Variants in SDHA observed in about 807,000 individuals in gnomAD.
The protein encoded by SDHA is succinate dehydrogenase complex flavoprotein subunit A.
A neutral mutation model predicts 78.4 loss-of-function variants in SDHA; 48 were observed. That is an observed-to-expected ratio of 0.61 (90% CI 0.49 to 0.78). SDHA has a LOEUF of 0.78. SDHA is among the 30% of genes least tolerant of loss of function. The pLI is 0.00. For synonymous variants in SDHA, 326 were observed against 353.9 expected (o/e 0.92, Z 0.88); for missense variants, 680 against 892.7 (o/e 0.76, Z 3.04).
chr5:233,732 T>G (rs771609682), intron 8 of SDHA, 87 bp downstream of exon 8: 27 of 1,348,578 alleles, frequency 2.0e-5, no homozygotes, highest in African/African-American at 2.9e-5. Flanking sequence ...CGCCCTCACC[T>G]TCGTGTGCAG....
chr5:247,539 C>T (rs547256211), intron 11 of SDHA, among the ~76,000 whole-genome samples: 58 of 152,342 alleles, frequency 3.8e-4, no homozygotes, highest in African/African-American at 1.3e-3. Flanking sequence ...TATTATCCAG[C>T]GATGCCCAAC....
At chr5:248,133 A>C (rs553584584) in intron 11 of SDHA, among the ~76,000 whole-genome samples, 2 of 152,322 alleles carry the variant, frequency 1.3e-5, no homozygotes, top group East Asian at 3.9e-4. Context: ...GAAATAGGTA[A>C]AATAATAACT....
chr5:247,760 T>C (rs1477880391), intron 11 of SDHA, among the ~76,000 whole-genome samples: 1 of 152,216 alleles, frequency 6.6e-6, no homozygotes, highest in Non-Finnish European at 1.5e-5. Flanking sequence ...TGCAGTGTTT[T>C]GTGGTAATTG....
chr5:255,815 C>T lies in SDHA; in HGVS notation c.1909-519C>T, dbSNP rs1737149924. On this transcript the variant is annotated intron_variant, in intron 14 of 14. Coordinates refer to ENST00000264932, the MANE Select transcript of SDHA (RefSeq NM_004168.4). ...AAGAGCTCACTAACCAGAGACGACC[C>T]ATTATGGTTTAAATTTCTTTGTATA... Among the ~76,000 whole-genome samples the T allele has an allele frequency of 1.3e-5, 2 of 152,304 alleles. 1 individual carries two copies. The highest frequency in any genetic ancestry group is 4.8e-5 in the African/African-American group (2 of 41,540).
At chr5:250,753 A>G in intron 11 of SDHA, 1 of 479,268 alleles carries the variant, frequency 2.1e-6, no homozygotes, top group Admixed American at 3.2e-5. Context: ...CCTGCTGGAA[A>G]GGATGTGTGT....
chr5:241,678 T>G (rs1736150487), intron 11 of SDHA, among the ~76,000 whole-genome samples: 1 of 152,262 alleles, frequency 6.6e-6, no homozygotes, highest in African/African-American at 2.4e-5. Context: ...AATTTCTGTG[T>G]ATTTTCTAAA....
chr5:236,164 A>G, intron 9 of SDHA: 1 of 477,238 alleles, frequency 2.1e-6, no homozygotes, highest in Non-Finnish European at 3.9e-6. Flanking sequence ...AGCTGGGATT[A>G]CAGGCACCCG....
intron 10 of SDHA, among the ~76,000 whole-genome samples, chr5:237,946 AGGTAGTGCTTGT>A (rs1735884803): frequency 7.3e-6 from 1 of 136,172 alleles, no homozygotes; most frequent in Non-Finnish European, 1.5e-5. Flanking sequence ...CTGACGCCGC[AGGTAGTGCTTGT>A]CTCACTCCAT....
chr5:222,924 C>T (rs1055863679), intron 1 of SDHA, among the ~76,000 whole-genome samples: 4 of 152,188 alleles, frequency 2.6e-5, no homozygotes, highest in Non-Finnish European at 5.9e-5. Context: ...CGACATCCTC[C>T]TGTGTGATGA....
downstream of SDHA, among the ~76,000 whole-genome samples, chr5:257,765 C>CG (rs1442900772): frequency 9.4e-6 from 1 of 106,746 alleles, no homozygotes; most frequent in Admixed American, 8.7e-5. Context: ...GTGAGCTCCG[C>CG]CCCTGCCAGA....
At chr5:253,881 C>T (rs13168268) in intron 13 of SDHA, among the ~76,000 whole-genome samples, 7 of 151,954 alleles carry the variant, frequency 4.6e-5, no homozygotes, top group Admixed American at 2.6e-4. Context: ...GGCAACATGG[C>T]GAAACGTGTC....
chr5:251,816 C>G, intron 13 of SDHA: 1 of 1,188,372 alleles, frequency 8.4e-7, no homozygotes, highest in South Asian at 1.5e-5. Flanking sequence ...TCAAGCCTGC[C>G]CTGTGGAGGA....
At chr5:250,504 C>T (rs185054715) in intron 11 of SDHA, 18 of 240,496 alleles carry the variant, frequency 7.5e-5, no homozygotes, top group African/African-American at 2.7e-4. Flanking sequence ...CAGCCACCCA[C>T]GCCCCTCCCT....
chr5:234,848 C>T (rs1023065716), intron 8 of SDHA: 21 of 457,368 alleles, frequency 4.6e-5, no homozygotes, highest in Non-Finnish European at 8.1e-5. Context: ...GGCATAGAGG[C>T]CTTTCTAATG....
At chr5:249,213 A>T (rs1382962500) in intron 11 of SDHA, 1 of 342,812 alleles carries the variant, frequency 2.9e-6, no homozygotes, top group African/African-American at 2.3e-5. Context: ...TGTGCTTTTA[A>T]TCTGTGTTAT....
At chr5:259,616 G>A (rs1312084125), downstream of SDHA, among the ~76,000 whole-genome samples, 2 of 24,708 alleles carry the variant, frequency 8.1e-5, no homozygotes, top group Non-Finnish European at 1.4e-4. Flanking sequence ...ATTACCGTGT[G>A]AGCTCCGCCT....
intron 1 of SDHA, among the ~76,000 whole-genome samples, chr5:222,233 AT>A (rs1391554544): frequency 2.0e-5 from 3 of 152,094 alleles, no homozygotes; most frequent in African/African-American, 7.2e-5. Flanking sequence ...ATGAAGAATA[AT>A]TTTTTATCCC....
At position 254,498 on chromosome 5, in the gene SDHA, A is replaced by T. The variant is rs1017441235; in HGVS notation, c.1900A>T (p.Thr634Ser). ...KHTLSYVDVG[T>S]GKVTLEYRPV... The stretch of plus-strand genomic sequence containing the variant: ...CACCCTGTCCTATGTGGACGTTGGC[A>T]CTGGGAAGGTCAGTGTGGAGCTCGT... Residue 634 changes from threonine to serine, a missense_variant, in exon 14 of 15, where the codon ACT becomes TCT. By Grantham distance (58) the Thr-to-Ser change is moderately conservative (BLOSUM62 1). Coordinates refer to ENST00000264932, the MANE Select transcript of SDHA (RefSeq NM_004168.4). 4 of 1,564,938 alleles carry T rather than the reference A, an allele frequency of 2.6e-6. No individual in the cohort carries two copies. Among genetic ancestry groups the T allele is most frequent in the East Asian group, 2.3e-5 (1 of 42,858 alleles).
At chr5:238,657 G>A (rs1342528409) in intron 10 of SDHA, among the ~76,000 whole-genome samples, 1 of 152,184 alleles carries the variant, frequency 6.6e-6, no homozygotes, top group Non-Finnish European at 1.5e-5. Context: ...CTATACATGT[G>A]TTAAAATTGG....
Sources: gnomAD v4.1 joint callset for allele counts (sites outside exome capture counted in the v4.1 genomes callset) on GRCh38, gnomAD v4.1.1 for gene constraint, MANE v1.5 for transcripts, NCBI Gene and HGNC (gene_info 2026-07-23, HGNC 2026-07-21) for gene names.